The following BRF1 variants were observed in gnomAD, a reference collection of about 807,000 sequenced individuals.
The protein encoded by BRF1 is BRF1 general transcription factor IIIB subunit, also known as transcription factor IIIB 90 kDa subunit.
BRF1 carries 59 observed loss-of-function variants against 81.7 expected under a neutral mutation model. The ratio of observed to expected loss-of-function variants is 0.72; its 90% CI spans 0.59 to 0.90. The LOEUF is 0.90. BRF1 is among the 40% of genes least tolerant of loss of function. The pLI, the probability that BRF1 is intolerant of heterozygous loss-of-function variation, is 0.00. For missense variants in BRF1, 1,050 were observed against 936.3 expected, an observed-to-expected ratio of 1.12 and a Z score of -1.58; for synonymous variants, 491 against 395.6, an observed-to-expected ratio of 1.24 and a Z score of -2.86.
chr14:105,300,577 G>C lies in BRF1; in HGVS notation c.53C>G (p.Ala18Gly), dbSNP rs2057968334. Reference protein sequence around the residue: ...GCGGTDIELDAARGDAVCTAC... With the variant: ...GCGGTDIELDGARGDAVCTAC... ...GGTGCACACCGCGTCCCCGCGCGCC[G>C]CGTCCAGCTCGATGTCCGTGCCGCC... Residue 18 changes from alanine to glycine, a missense_variant, in exon 1 of 18, where the codon GCG becomes GGG. By Grantham distance (60) the Ala-to-Gly change is moderately conservative. Around this residue, in one of 2 missense-constraint regions of BRF1, gnomAD observed 1,043 missense variants for 915.4 expected, o/e 1.14. Transcript: ENST00000547530. 18 of 1,489,498 alleles carry C rather than the reference G, an allele frequency of 1.2e-5. No homozygotes were observed. Among genetic ancestry groups the C allele is most frequent in the Non-Finnish European group, 1.6e-5 (18 of 1,123,612 alleles). The allele number at this position is 1,489,498 out of a possible 1,614,324, so 92.3% of individuals were successfully genotyped here. A position where few individuals can be genotyped will look rare whatever the true frequency, so the allele number is the denominator to read the frequency against.
chr14:105,217,879 G>A, intron 14 of BRF1, 79 bp from the exon 15 acceptor site: 1 of 1,566,236 alleles, frequency 6.4e-7, no homozygotes, highest in Non-Finnish European at 8.6e-7. Context: ...CGTGAGGCCA[G>A]GAGTGCAGGC....
At chr14:105,213,065 G>C (rs1445881275) in intron 15 of BRF1, 1 of 152,340 alleles carries the variant, frequency 6.6e-6, no homozygotes, top group Non-Finnish European at 1.5e-5. Flanking sequence ...TGGTGGTGCT[G>C]TATCCTCAGG....
chr14:105,219,447 C>G, intron 12 of BRF1: 1 of 1,064,708 alleles, frequency 9.4e-7, no homozygotes, highest in Non-Finnish European at 1.3e-6. Context: ...CCACGCAGGC[C>G]ACATGTGTGA....
chr14:105,244,565 C>T (rs1226357166), intron 5 of BRF1, among the ~76,000 whole-genome samples: 1 of 152,074 alleles, frequency 6.6e-6, no homozygotes, highest in Admixed American at 6.6e-5. Context: ...GGCAGAGCGG[C>T]ACGGGACAGG....
At chr14:105,213,541 G>A (rs149714701) in intron 15 of BRF1, 2 of 152,268 alleles carry the variant, frequency 1.3e-5, no homozygotes, top group East Asian at 3.9e-4. Context: ...ACCTTAGCTA[G>A]AGAGGAGCAG....
chr14:105,286,712 TCTC>T (rs1256135875), intron 1 of BRF1, among the ~76,000 whole-genome samples: 1 of 152,054 alleles, frequency 6.6e-6, no homozygotes, highest in Non-Finnish European at 1.5e-5. Flanking sequence ...TTCACGCCAT[TCTC>T]CTGCCTCAGC....
chr14:105,241,084 G>A (rs1299789500), intron 6 of BRF1, among the ~76,000 whole-genome samples, 181 bp downstream of exon 6: 2 of 152,234 alleles, frequency 1.3e-5, no homozygotes, highest in Non-Finnish European at 2.9e-5. Context: ...CAACGGGGCA[G>A]CCAGGAGGTC....
chr14:105,305,088 G>A (rs2058148152), upstream of BRF1, among the ~76,000 whole-genome samples: 1 of 152,182 alleles, frequency 6.6e-6, no homozygotes. Context: ...CTTCCCTCAT[G>A]AGCGGGATTA....
intron 10 of BRF1, 193 bp from the exon 11 acceptor site, chr14:105,222,107 T>C: frequency 1.7e-6 from 1 of 602,548 alleles, no homozygotes; most frequent in Non-Finnish European, 2.7e-6. Flanking sequence ...TCAAAGCAGA[T>C]CACAGACCTA....
At chr14:105,248,609 G>A in intron 5 of BRF1, 2 of 975,684 alleles carry the variant, frequency 2.0e-6, no homozygotes, top group South Asian at 4.7e-5. Flanking sequence ...CCCGCGGCCG[G>A]GCCTGGCCGG....
At chr14:105,298,112 G>C (rs930488076) in intron 1 of BRF1, among the ~76,000 whole-genome samples, 1 of 152,206 alleles carries the variant, frequency 6.6e-6, no homozygotes, top group African/African-American at 2.4e-5. Flanking sequence ...TTTCGATTAG[G>C]GATGCTTAAC....
intron 16 of BRF1, 72 bp from the exon 17 acceptor site, chr14:105,211,365 A>C (rs1339596560): frequency 1.7e-5 from 23 of 1,366,898 alleles, no homozygotes; most frequent in Non-Finnish European, 2.2e-5. Flanking sequence ...CCTCAGACCC[A>C]CCAGGGCTGG....
chr14:105,279,300 CA>C (rs1300080307), intron 2 of BRF1, among the ~76,000 whole-genome samples: 1 of 152,044 alleles, frequency 6.6e-6, no homozygotes, highest in Non-Finnish European at 1.5e-5. Flanking sequence ...GGATTCGAAA[CA>C]TGTATATCCA....
Position 105,219,073 on chromosome 14 carries a change from G to A in BRF1, c.1460-20C>T, listed in dbSNP as rs774828481. 3.1e-6 allele frequency: 5 copies of A among 1,613,902 alleles called. No homozygotes were observed. The Admixed American group carries it at 5.0e-5, about 16-fold the overall frequency. Reference sequence around the variant, plus strand: ...CTTTTTCTAAAAGTTCAGAAAGGGGGCCAGCGTCACTGAGGGCCCACGCCC... The same window carrying A: ...CTTTTTCTAAAAGTTCAGAAAGGGGACCAGCGTCACTGAGGGCCCACGCCC... On this transcript the variant is annotated intron_variant, in intron 13 of 17. Coordinates refer to ENST00000547530, the MANE Select transcript of BRF1 (RefSeq NM_001519.4).
intron 1 of BRF1, among the ~76,000 whole-genome samples, chr14:105,306,237 A>C (rs1297016361): frequency 6.6e-6 from 1 of 152,164 alleles, no homozygotes; most frequent in African/African-American, 2.4e-5. Context: ...GGCACCTGCA[A>C]ACTTCCCCTC....
intron 6 of BRF1, among the ~76,000 whole-genome samples, chr14:105,229,429 T>A (rs909822632): frequency 6.6e-6 from 1 of 152,230 alleles, no homozygotes; most frequent in Non-Finnish European, 1.5e-5. Flanking sequence ...GTACCTGGCC[T>A]GCCGGGTAGA....
intron 1 of BRF1, among the ~76,000 whole-genome samples, chr14:105,297,785 A>C (rs1012975012): frequency 1.3e-5 from 2 of 152,088 alleles, no homozygotes; most frequent in African/African-American, 4.8e-5. Context: ...TCACGAGGTC[A>C]GGAGATCGAA....
In BRF1 at chr14:105,259,667, T is replaced by C. The variant is rs587610412; in HGVS notation, c.440-3118A>G. 1.6e-4 allele frequency among the ~76,000 whole-genome samples: 24 copies of C among 152,226 alleles called. No individual in the cohort carries two copies. In the South Asian group the frequency reaches 4.6e-3, roughly 29 times the overall value. On this transcript the variant is annotated intron_variant, in intron 3 of 17. Transcript: ENST00000547530. Reference sequence around the variant, plus strand: ...GCTCACGCCTGTAATCCCAGCACCTTGGGAGGCCAAGGCGGGCAGTCACTT... The same window carrying C: ...GCTCACGCCTGTAATCCCAGCACCTCGGGAGGCCAAGGCGGGCAGTCACTT...
intron 5 of BRF1, chr14:105,248,059 T>G (rs2055245148): frequency 1.0e-6 from 1 of 985,472 alleles, no homozygotes; most frequent in East Asian, 1.1e-4. Flanking sequence ...TGTGTGACCT[T>G]CAGCGCGCGA....
Sources: gnomAD v4.1 joint callset for allele counts (sites outside exome capture counted in the v4.1 genomes callset) on GRCh38, gnomAD v4.1.1 for gene constraint, gnomAD v4.1.1 regional missense constraint, MANE v1.5 for transcripts, NCBI Gene and HGNC (gene_info 2026-07-23, HGNC 2026-07-21) for gene names.